Variants in MYH13 observed in about 807,000 individuals in gnomAD.
MYH13 encodes the protein myosin-13.
A neutral mutation model predicts 232.1 loss-of-function variants in MYH13; 177 were observed. The ratio of observed to expected loss-of-function variants is 0.76; its 90% CI spans 0.67 to 0.86. The LOEUF (loss-of-function observed/expected upper bound fraction) is 0.86. Ranked by LOEUF, MYH13 falls within the 40% of genes least tolerant of loss-of-function variation. The pLI is 0.00. For missense variants in MYH13, 2,246 were observed against 2,405.9 expected, an observed-to-expected ratio of 0.93 and a Z score of 1.39; for synonymous variants, 884 against 923.5, an observed-to-expected ratio of 0.96 and a Z score of 0.78.
intron 1 of MYH13, among the ~76,000 whole-genome samples, chr17:10,371,963 A>G (rs1363307412): frequency 1.3e-5 from 2 of 152,150 alleles, no homozygotes; most frequent in African/African-American, 2.4e-5. Context: ...AAAATTTTCA[A>G]TATCAAATGT....
chr17:10,316,998 A>C (rs1906738679), intron 27 of MYH13, among the ~76,000 whole-genome samples: 2 of 152,220 alleles, frequency 1.3e-5, no homozygotes, highest in African/African-American at 4.8e-5. Context: ...AAGCAGGGAG[A>C]GTTGAAACGC....
intron 18 of MYH13, among the ~76,000 whole-genome samples, chr17:10,339,169 G>A (rs552605605): frequency 2.0e-5 from 3 of 151,842 alleles, no homozygotes; most frequent in East Asian, 1.9e-4. Flanking sequence ...TGGGAGGCCC[G>A]TGTTGGGCAT....
Position 10,306,912 on chromosome 17 carries a change from T to C in MYH13, c.5295+27A>G, listed in dbSNP as rs1423923691. On this transcript the variant is annotated intron_variant, in intron 36 of 40. Coordinates refer to ENST00000252172, the MANE Select transcript of MYH13 (RefSeq NM_003802.3). This position sits in a 1 kb window ranked among gnomAD's most constrained non-coding sequence, Gnocchi z 4.3. ...CCCACTTTCTCAGTTCCAAACCCCA[T>C]CTCTGAAAAGGAAGAACAGAGCTCA... 2.5e-6 allele frequency: 4 copies of C among 1,611,998 alleles called. No individual in the cohort carries two copies. Among genetic ancestry groups the C allele is most frequent in the Admixed American group, 1.7e-5 (1 of 59,980 alleles).
intron 16 of MYH13, among the ~76,000 whole-genome samples, chr17:10,343,237 A>T (rs937096482): frequency 2.0e-5 from 3 of 151,958 alleles, no homozygotes; most frequent in African/African-American, 7.2e-5. Flanking sequence ...TCACTCTGTC[A>T]CCCAGGCTGG....
chr17:10,341,017 C>CT (rs5819272), intron 16 of MYH13: 88,225 of 147,740 alleles, frequency 0.6, 26,862 homozygotes, highest in Non-Finnish European at 0.69. Flanking sequence ...TTTGTAGTTT[C>CT]TTTTTTTTTT....
rs1401053361 is a variant in MYH13, at chr17:10,324,079, A to T, written c.2877T>A (p.Asp959Glu). 1.9e-6 allele frequency: 3 copies of T among 1,613,922 alleles called. No individual in the cohort carries two copies. The Admixed American group carries it at 5.0e-5, about 27-fold the overall frequency. The change falls in exon 23 of 41, where the codon GAT becomes GAA. Residue 959 changes from aspartate to glutamate, a missense_variant. Transcript: ENST00000252172. ...DKCSSLKRDI[D>E]DLELTLTKVE... ...CTTTCGTCAAGGTCAGCTCCAGGTCATCAATGTCTCTCTTGAGAGAGGAGC... is the reference window on the plus strand; with the variant it reads ...CTTTCGTCAAGGTCAGCTCCAGGTCTTCAATGTCTCTCTTGAGAGAGGAGC...
At position 10,343,800 on chromosome 17, in the gene MYH13, C is replaced by T. The variant is rs1334484671; in HGVS notation, c.1894G>A (p.Gly632Ser). The T allele has an allele frequency of 2.5e-6, 4 of 1,585,782 alleles. No individual in the cohort carries two copies. The Admixed American group carries it at 7.1e-5, about 28-fold the overall frequency. Residue 632 changes from glycine (G) to serine (S), a missense_variant and splice_region_variant, in exon 16 of 41, where the codon GGC becomes AGC. Gly to Ser is a moderately conservative substitution (Grantham distance 56). Coordinates refer to ENST00000252172, the MANE Select transcript of MYH13 (RefSeq NM_003802.3). The stretch of plus-strand genomic sequence containing the variant: ...AGGGAAAGAAATGATAGAATTTTAC[C>T]TGTCTCTGCACCAGCATAGTTGGAA... The part of the protein sequence containing the change: ...LFSNYAGAET[G>S]DSGGSKKGGK...
intron 21 of MYH13, among the ~76,000 whole-genome samples, chr17:10,329,224 A>G (rs997930668): frequency 1.3e-5 from 2 of 152,160 alleles, no homozygotes; most frequent in African/African-American, 4.8e-5. Flanking sequence ...AGAGCCACAC[A>G]GGGGATCAGG....
chr17:10,332,299 TTC>T, intron 19 of MYH13, 77 bp from the exon 20 acceptor site: 1 of 1,568,258 alleles, frequency 6.4e-7, no homozygotes, highest in Non-Finnish European at 8.8e-7. Flanking sequence ...TTCTAGAATC[TTC>T]TCCTGCTCAA....
chr17:10,330,614 G>A lies in MYH13; in HGVS notation c.2299-91C>T, dbSNP rs1471885390. The A allele has an allele frequency of 5.0e-5, 74 of 1,485,396 alleles. No homozygotes were observed. In the South Asian group the frequency reaches 9.3e-4, roughly 19 times the overall value. The allele number at this position is 1,485,396 out of a possible 1,614,324, so 92.0% of individuals were successfully genotyped here. ...GGGCCTGTTTCTGCTCAACTCTGAGGCTCAACTCTCAGAGCACGGCAGGGG... is the reference window on the plus strand; with the variant it reads ...GGGCCTGTTTCTGCTCAACTCTGAGACTCAACTCTCAGAGCACGGCAGGGG... On this transcript the variant is annotated intron_variant, in intron 20 of 40. Coordinates refer to ENST00000252172, the MANE Select transcript of MYH13 (RefSeq NM_003802.3).
intron 13 of MYH13, 141 bp from the exon 14 acceptor site, chr17:10,345,757 G>A (rs2071659571): frequency 1.4e-6 from 2 of 1,395,818 alleles, no homozygotes; most frequent in Non-Finnish European, 2.0e-6. Context: ...CACTTTGGGA[G>A]GCCAAGGCGG....
At chr17:10,331,566 C>T (rs1225635482) in intron 20 of MYH13, among the ~76,000 whole-genome samples, 1 of 152,094 alleles carries the variant, frequency 6.6e-6, no homozygotes, top group Non-Finnish European at 1.5e-5. Flanking sequence ...CAATAAATGG[C>T]AGCTAGTTTG....
rs1229612821 is a variant in MYH13 at position 10,344,082 on chromosome 17, C to T, written c.1612G>A (p.Glu538Lys). ...KPMGIFSILE[E>K]ECMFPKATDT... Reference sequence around the variant, plus strand: ...GTTGCCTTGGGGAACATGCACTCCTCTTCCAGGATGGAGAAGATGCCCATA... The same window carrying T: ...GTTGCCTTGGGGAACATGCACTCCTTTTCCAGGATGGAGAAGATGCCCATA... Residue 538 changes from glutamate (E) to lysine (K), a missense_variant, in exon 16 of 41, where the codon GAG becomes AAG. Glu to Lys is a moderately conservative substitution (Grantham distance 56). Transcript: ENST00000252172. The T allele has an allele frequency of 6.2e-7, 1 of 1,614,064 alleles. No homozygotes were observed. The highest frequency in any genetic ancestry group is 1.7e-5 in the Admixed American group (1 of 60,028).
In MYH13 at chr17:10,306,611, C is replaced by T. The variant is rs1294179486; in HGVS notation, c.5314G>A (p.Glu1772Lys). The T allele has an allele frequency of 2.5e-6, 4 of 1,614,008 alleles. No homozygotes were observed. Among genetic ancestry groups the T allele is most frequent in the Non-Finnish European group, 3.4e-6 (4 of 1,180,052 alleles). Reference protein sequence around the residue: ...AITDAAMMAEELKKEQDTSAH... With the variant: ...AITDAAMMAEKLKKEQDTSAH... ...CTGGTGTCCTGTTCCTTCTTTAGCT[C>T]CTCAGCCATCATGGCAGCCTGGTTA... The change falls in exon 37 of 41, where the codon GAG (glutamate) becomes AAG (lysine). Residue 1772 changes from glutamate to lysine, a missense_variant. Glu to Lys is a moderately conservative substitution (Grantham distance 56). Coordinates refer to ENST00000252172, the MANE Select transcript of MYH13 (RefSeq NM_003802.3). The surrounding 1 kb of genome is among the most constrained non-coding windows in gnomAD (Gnocchi z 4.3).
intron 33 of MYH13, among the ~76,000 whole-genome samples, chr17:10,310,093 T>G (rs1906453298): frequency 7.5e-6 from 1 of 133,172 alleles, no homozygotes; most frequent in Non-Finnish European, 1.6e-5. Flanking sequence ...ATAGGTTTTG[T>G]GTTTTTTTTT....
Position 10,350,635 on chromosome 17 carries a change from C to G in MYH13, c.1065G>C (p.Thr355=), listed in dbSNP as rs1350006010. 1 of 1,613,814 alleles carries G rather than the reference C, an allele frequency of 6.2e-7. No homozygotes were observed. Among genetic ancestry groups the G allele is most frequent in the Admixed American group, 1.7e-5 (1 of 59,966 alleles). ...SEEKVGIYKL[T]GAVMHYGNMK... ...TGTTCCCATAATGCATCACGGCTCCCGTCAGTTTGTAGATCCCGACTTTCT... is the reference window on the plus strand; with the variant it reads ...TGTTCCCATAATGCATCACGGCTCCGGTCAGTTTGTAGATCCCGACTTTCT... Residue 355 remains threonine, a synonymous_variant, in exon 12 of 41, where the codon ACG becomes ACC. Coordinates refer to ENST00000252172, the MANE Select transcript of MYH13 (RefSeq NM_003802.3).
At chr17:10,368,538 T>C (rs1050419355) in intron 2 of MYH13, among the ~76,000 whole-genome samples, 2 of 152,260 alleles carry the variant, frequency 1.3e-5, no homozygotes, top group Non-Finnish European at 2.9e-5. Flanking sequence ...TTAATGAAAC[T>C]TTTTAGTGCA....
intron 23 of MYH13, among the ~76,000 whole-genome samples, chr17:10,323,717 C>T (rs1046798957): frequency 7.1e-6 from 1 of 140,112 alleles, no homozygotes; most frequent in African/African-American, 2.7e-5. Flanking sequence ...TGAGATGGCA[C>T]CACTGTAGCG....
At chr17:10,338,707 T>G (rs1379331253) in intron 18 of MYH13, among the ~76,000 whole-genome samples, 1 of 143,828 alleles carries the variant, frequency 7.0e-6, no homozygotes, top group African/African-American at 2.5e-5. Context: ...TTTTTTTTTG[T>G]TTGTTTTTTT....
Sources: allele counts gnomAD v4.1 joint callset (sites outside exome capture counted in the v4.1 genomes callset), GRCh38; gene constraint gnomAD v4.1.1; non-coding constraint Gnocchi (gnomAD v3.1); transcripts MANE v1.5; gene names NCBI Gene and HGNC (gene_info 2026-07-23, HGNC 2026-07-21).